Variants in ALDH8A1 observed in about 807,000 individuals in gnomAD.
The protein encoded by ALDH8A1 is 2-aminomuconic semialdehyde dehydrogenase.
A neutral mutation model predicts 43.3 loss-of-function variants in ALDH8A1; 39 were observed. That is an observed-to-expected ratio of 0.90 (90% CI 0.70 to 1.18). The LOEUF (loss-of-function observed/expected upper bound fraction) is 1.18. ALDH8A1 is among the 50% of genes most tolerant of loss of function. The pLI, the probability that ALDH8A1 is intolerant of heterozygous loss-of-function variation, is 0.00. For missense variants in ALDH8A1, 605 were observed against 622.6 expected (o/e 0.97, Z 0.30); for synonymous variants, 233 against 243.5 (o/e 0.96, Z 0.40).
chr6:134,928,669 G>T (rs1323833601), intron 6 of ALDH8A1, among the ~76,000 whole-genome samples: 3 of 152,234 alleles, frequency 2.0e-5, no homozygotes, highest in African/African-American at 7.2e-5. Context: ...GGGACTGTTT[G>T]TGTTGGCACT....
In ALDH8A1 at chr6:134,918,146, C is replaced by T. The variant is rs1776735907; in HGVS notation, c.*269G>A. 5 of 459,276 alleles carry T rather than the reference C, an allele frequency of 1.1e-5. No homozygotes were observed. Among genetic ancestry groups the T allele is most frequent in the Admixed American group, 3.8e-5 (1 of 26,144 alleles). 28.5% of individuals were successfully genotyped at this position (459,276 alleles called of 1,614,324 possible). A position where few individuals can be genotyped will look rare whatever the true frequency, so the allele number is the denominator to read the frequency against. On this transcript the variant is annotated 3_prime_UTR_variant, in exon 7 of 7. Coordinates refer to ENST00000265605, the MANE Select transcript of ALDH8A1 (RefSeq NM_022568.4). ...TTCAATGAAGATGATGAAAGAAACA[C>T]TATGAAAACATAACCTGGGAGGAGC... is the stretch of plus-strand genomic sequence containing the variant.
At chr6:134,921,163 G>C (rs1776793249) in intron 6 of ALDH8A1, among the ~76,000 whole-genome samples, 1 of 152,220 alleles carries the variant, frequency 6.6e-6, no homozygotes, top group Non-Finnish European at 1.5e-5. Context: ...AGACCTCAGA[G>C]ATGCCCCTCA....
At chr6:134,928,265 G>A (rs560049730) in intron 6 of ALDH8A1, among the ~76,000 whole-genome samples, 1 of 152,262 alleles carries the variant, frequency 6.6e-6, no homozygotes, top group Non-Finnish European at 1.5e-5. Context: ...AGGCCTTCAA[G>A]CTACTTCATC....
intron 1 of ALDH8A1, among the ~76,000 whole-genome samples, chr6:134,944,469 A>T (rs771548377): frequency 2.0e-5 from 3 of 152,174 alleles, no homozygotes; most frequent in Non-Finnish European, 4.4e-5. Flanking sequence ...TACCATAGAA[A>T]CAAAGAAACG....
intron 3 of ALDH8A1, among the ~76,000 whole-genome samples, chr6:134,941,980 G>C (rs977027466): frequency 6.6e-6 from 1 of 152,152 alleles, no homozygotes; most frequent in Admixed American, 6.5e-5. Context: ...AGCACTTGGG[G>C]AGGCCGAGGC....
chr6:134,939,039 C>T (rs1332690680), intron 4 of ALDH8A1, among the ~76,000 whole-genome samples: 1 of 152,094 alleles, frequency 6.6e-6, no homozygotes, highest in Admixed American at 6.6e-5. Flanking sequence ...TGCTGCCAGT[C>T]GCCCACCCTG....
At chr6:134,935,771 A>G (rs1383507164) in intron 4 of ALDH8A1, among the ~76,000 whole-genome samples, 2 of 152,156 alleles carry the variant, frequency 1.3e-5, no homozygotes, top group Non-Finnish European at 2.9e-5. Context: ...CTTTTAAATT[A>G]TAAATAATAT....
rs1356644634 is a variant in ALDH8A1, at chr6:134,949,980, A to G, written c.74T>C (p.Ile25Thr). 3.7e-6 allele frequency: 6 copies of G among 1,613,170 alleles called. No individual in the cohort carries two copies. Among genetic ancestry groups the G allele is most frequent in the East Asian group, 4.5e-5 (2 of 44,884 alleles). The part of the protein sequence containing the change: ...DGKFLPCSSY[I>T]DSYDPSTGEV... ...CCCTGTTGATGGGTCGTAAGAATCT[A>G]TATATGAGCTACAAGGTAAAAATTT... is the stretch of plus-strand genomic sequence containing the variant. Residue 25 changes from isoleucine (I) to threonine (T), a missense_variant, in exon 1 of 7, where the codon ATA becomes ACA. Transcript: ENST00000265605.
intron 5 of ALDH8A1, among the ~76,000 whole-genome samples, chr6:134,931,766 A>T (rs1776989943): frequency 6.6e-6 from 1 of 152,276 alleles, no homozygotes. Context: ...TAGCCACTTC[A>T]AGAGTTACAG....
At chr6:134,949,873 C>A (rs1313503646) in intron 1 of ALDH8A1, 43 bp downstream of exon 1, 1 of 1,505,826 alleles carries the variant, frequency 6.6e-7, no homozygotes, top group Non-Finnish European at 8.9e-7. Flanking sequence ...AATTGGCCAA[C>A]ATATTAAACA....
rs1283360532 is a variant in ALDH8A1, at chr6:134,929,199, C to T, written c.866G>A (p.Cys289Tyr). ...CTTCTGGACAAAGATCCTGCTGGTACAGAGACAGATTTCACCCTGCCAAGA... is the reference window on the plus strand; with the variant it reads ...CTTCTGGACAAAGATCCTGCTGGTATAGAGACAGATTTCACCCTGCCAAGA... ...SFANQGEICL[C>Y]TSRIFVQKSI... Residue 289 changes from cysteine to tyrosine, a missense_variant, in exon 6 of 7, where the codon TGT becomes TAT. Coordinates refer to ENST00000265605, the MANE Select transcript of ALDH8A1 (RefSeq NM_022568.4). The T allele has an allele frequency of 6.2e-6, 10 of 1,613,852 alleles. No individual in the cohort carries two copies. The highest frequency in any genetic ancestry group is 8.5e-6 in the Non-Finnish European group (10 of 1,179,964).
intron 5 of ALDH8A1, among the ~76,000 whole-genome samples, chr6:134,931,127 C>T (rs1303030126): frequency 5.9e-5 from 9 of 152,100 alleles, no homozygotes; most frequent in African/African-American, 1.9e-4. Flanking sequence ...ATTAGTTAGG[C>T]GTATGTCTCT....
In ALDH8A1 at chr6:134,939,304, A is replaced by G; in HGVS notation, c.554T>C (p.Val185Ala). The G allele has an allele frequency of 6.2e-7, 1 of 1,614,232 alleles. No homozygotes were observed. The highest frequency in any genetic ancestry group is 8.5e-7 in the Non-Finnish European group (1 of 1,180,044). Residue 185 changes from valine (V) to alanine (A), a missense_variant, in exon 4 of 7, where the codon GTG becomes GCG. Coordinates refer to ENST00000265605, the MANE Select transcript of ALDH8A1 (RefSeq NM_022568.4). ...VIAKPSELTS[V>A]TAWMLCKLLD... ...GAGTTTGCACAACATCCACGCAGTCACTGAAGTCAGCTCACTGGGCTTGGC... is the reference window on the plus strand; with the variant it reads ...GAGTTTGCACAACATCCACGCAGTCGCTGAAGTCAGCTCACTGGGCTTGGC...
Position 134,932,819 on chromosome 6 carries a change from T to C in ALDH8A1, c.806A>G (p.Asp269Gly), listed in dbSNP as rs1053728004. ...PAIIFEDANLDECIPATVRSS... is the reference protein window; with the variant it reads ...PAIIFEDANLGECIPATVRSS... ...CCTGACGGTTGCCGGAATGCACTCATCCAGGTTGGCGTCCTCAAAGATGAT... is the reference window on the plus strand; with the variant it reads ...CCTGACGGTTGCCGGAATGCACTCACCCAGGTTGGCGTCCTCAAAGATGAT... The change falls in exon 5 of 7, where the codon GAT becomes GGT. Residue 269 changes from aspartate to glycine, a missense_variant. By Grantham distance (94) the Asp-to-Gly change is moderately conservative. Coordinates refer to ENST00000265605, the MANE Select transcript of ALDH8A1 (RefSeq NM_022568.4). 4.3e-6 allele frequency: 7 copies of C among 1,614,108 alleles called. No individual in the cohort carries two copies. The highest frequency in any genetic ancestry group is 5.9e-6 in the Non-Finnish European group (7 of 1,180,048).
intron 1 of ALDH8A1, among the ~76,000 whole-genome samples, chr6:134,944,632 T>C (rs1349387259): frequency 6.6e-6 from 1 of 152,110 alleles, no homozygotes; most frequent in Non-Finnish European, 1.5e-5. Flanking sequence ...GCCTGTAATC[T>C]TAGCACTTAG....
chr6:134,927,532 C>CAG (rs200209570), intron 6 of ALDH8A1, among the ~76,000 whole-genome samples: 3 of 152,128 alleles, frequency 2.0e-5, no homozygotes, highest in Non-Finnish European at 2.9e-5. Context: ...CACACACACA[C>CAG]AGAGAGAGAT....
intron 3 of ALDH8A1, chr6:134,940,236 A>T (rs753009374): frequency 1.4e-5 from 5 of 352,606 alleles, no homozygotes; most frequent in Non-Finnish European, 2.8e-5. Flanking sequence ...AAAAAAAAAT[A>T]AAAAATAAAA....
chr6:134,918,656 A>G lies in ALDH8A1; in HGVS notation c.1223T>C (p.Val408Ala). 6.2e-7 allele frequency: 1 copy of G among 1,613,682 alleles called. No individual in the cohort carries two copies. Among genetic ancestry groups the G allele is most frequent in the Non-Finnish European group, 8.5e-7 (1 of 1,179,944 alleles). Residue 408 changes from valine (V) to alanine (A), a missense_variant, in exon 7 of 7, where the codon GTG becomes GCG. Coordinates refer to ENST00000265605, the MANE Select transcript of ALDH8A1 (RefSeq NM_022568.4). ...CTTAACGTTGTTGGCTCTTTCAATC[A>G]CCTCCTCTTCACTATCAAAGGGGAC... ...CVVPFDSEEE[V>A]IERANNVKYG...
At chr6:134,927,277 C>T (rs950431155) in intron 6 of ALDH8A1, among the ~76,000 whole-genome samples, 1 of 151,946 alleles carries the variant, frequency 6.6e-6, no homozygotes, top group Admixed American at 6.6e-5. Flanking sequence ...CCAACAGTGG[C>T]CCATTTCAGT....
Sources: allele counts gnomAD v4.1 joint callset (sites outside exome capture counted in the v4.1 genomes callset), GRCh38; gene constraint gnomAD v4.1.1; transcripts MANE v1.5; gene names NCBI Gene and HGNC (gene_info 2026-07-23, HGNC 2026-07-21).